KCNIP1: variants seen among roughly 807,000 people sequenced by gnomAD.
KCNIP1 encodes potassium voltage-gated channel interacting protein 1, also known as A-type potassium channel modulatory protein KCNIP1.
Under a neutral mutation model 33.0 loss-of-function variants are expected in KCNIP1, and 18 were observed. The observed-to-expected ratio is 0.55, with a 90% CI of 0.38 to 0.81. The LOEUF (loss-of-function observed/expected upper bound fraction) is 0.81. KCNIP1 is among the 30% of genes least tolerant of loss of function. KCNIP1 has a pLI of 0.00. For missense variants in KCNIP1, 238 were observed against 271.6 expected, an observed-to-expected ratio of 0.88 and a Z score of 0.87; for synonymous variants, 93 against 98.3, an observed-to-expected ratio of 0.95 and a Z score of 0.32.
rs149454915 is a variant in KCNIP1 at position 170,531,754 on chromosome 5, G to A, written c.61+27121G>A. ...CTCAGCCCAGGGAGTGCTGACAATG[G>A]GGGAGCCACTGCAGGAGTCCCAGCC... On this transcript the variant is annotated intron_variant, in intron 1 of 7. Transcript: ENST00000328939. 4.6e-3 allele frequency among the ~76,000 whole-genome samples: 703 copies of A among 152,238 alleles called. 5 individuals carry two copies. The highest frequency in any genetic ancestry group is 0.016 in the African/African-American group (663 of 41,540).
intron 1 of KCNIP1, chr5:170,383,225 G>A (rs1474449128): frequency 3.5e-6 from 1 of 283,464 alleles, no homozygotes; most frequent in East Asian, 7.4e-5. Context: ...GTTTCCTGGG[G>A]AGTCACCGGG....
chr5:170,483,442 T>G (rs1030402206), intron 1 of KCNIP1, among the ~76,000 whole-genome samples: 2 of 152,222 alleles, frequency 1.3e-5, no homozygotes, highest in African/African-American at 4.8e-5. Context: ...ACAGCCCCTC[T>G]CGCTTCTTTT....
intron 1 of KCNIP1, among the ~76,000 whole-genome samples, chr5:170,371,595 A>G (rs1049634540): frequency 3.9e-5 from 6 of 152,138 alleles, no homozygotes; most frequent in African/African-American, 1.2e-4. Context: ...TTGTGCCTCC[A>G]TTGGCTCATT....
At chr5:170,628,494 G>T (rs1759925876) in intron 1 of KCNIP1, among the ~76,000 whole-genome samples, 1 of 152,188 alleles carries the variant, frequency 6.6e-6, no homozygotes, top group Non-Finnish European at 1.5e-5. Context: ...GCGTGTGTGT[G>T]TGTGTGCGTT....
At chr5:170,439,611 G>A (rs927889875) in intron 1 of KCNIP1, among the ~76,000 whole-genome samples, 1 of 152,208 alleles carries the variant, frequency 6.6e-6, no homozygotes, top group Non-Finnish European at 1.5e-5. Flanking sequence ...GCTCATCTAC[G>A]CAAGCCTTGG....
chr5:170,673,449 G>C (rs966924268), intron 1 of KCNIP1, among the ~76,000 whole-genome samples: 6 of 152,236 alleles, frequency 3.9e-5, no homozygotes, highest in African/African-American at 1.4e-4. Flanking sequence ...AGTGACGTAG[G>C]TCTACCATGG....
intron 1 of KCNIP1, among the ~76,000 whole-genome samples, chr5:170,523,605 C>T (rs1345638017): frequency 1.3e-5 from 2 of 152,102 alleles, no homozygotes; most frequent in Non-Finnish European, 2.9e-5. Context: ...CACTCCCTTA[C>T]AGGAGGGGGT....
At chr5:170,462,545 G>T in intron 1 of KCNIP1, among the ~76,000 whole-genome samples, 1 of 152,120 alleles carries the variant, frequency 6.6e-6, no homozygotes. Flanking sequence ...TGTAAAACTA[G>T]TACAACCACT....
intron 1 of KCNIP1, among the ~76,000 whole-genome samples, chr5:170,658,575 T>C (rs1001806573): frequency 6.6e-6 from 1 of 151,908 alleles, no homozygotes; most frequent in African/African-American, 2.4e-5. Context: ...ATTTTGGAGG[T>C]AGAGGGAGAG....
At chr5:170,596,931 C>T (rs888857662) in intron 1 of KCNIP1, among the ~76,000 whole-genome samples, 2 of 152,248 alleles carry the variant, frequency 1.3e-5, no homozygotes, top group Non-Finnish European at 2.9e-5. Flanking sequence ...GCTGAGTGAG[C>T]ACTGGCTGTG....
At chr5:170,728,232 T>C (rs754723151) in intron 5 of KCNIP1, among the ~76,000 whole-genome samples, 3 of 152,028 alleles carry the variant, frequency 2.0e-5, no homozygotes, top group African/African-American at 4.8e-5. Flanking sequence ...AGATTCTCAC[T>C]GAAGAAAAGA....
intron 1 of KCNIP1, among the ~76,000 whole-genome samples, chr5:170,567,883 G>A (rs1460479725): frequency 6.6e-6 from 1 of 152,208 alleles, no homozygotes; most frequent in Admixed American, 6.5e-5. Context: ...AAAAGCAGAG[G>A]CTCATTAAAG....
At chr5:170,565,296 C>T (rs1757169130) in intron 1 of KCNIP1, among the ~76,000 whole-genome samples, 1 of 152,170 alleles carries the variant, frequency 6.6e-6, no homozygotes, top group African/African-American at 2.4e-5. Flanking sequence ...CAGCAGCATG[C>T]CAGTCTCACC....
chr5:170,723,418 T>A (rs1763899502), intron 5 of KCNIP1, among the ~76,000 whole-genome samples: 1 of 152,026 alleles, frequency 6.6e-6, no homozygotes, highest in African/African-American at 2.4e-5. Context: ...ATCTCAAAAC[T>A]CACTTTGGTA....
At chr5:170,717,570 TACAA>T (rs1763681137) in intron 1 of KCNIP1, among the ~76,000 whole-genome samples, 1 of 152,190 alleles carries the variant, frequency 6.6e-6, no homozygotes, top group South Asian at 2.1e-4. Flanking sequence ...ATGTACAAGA[TACAA>T]ACTTAATTTG....
At chr5:170,406,381 AC>A (rs1352141757) in intron 1 of KCNIP1, among the ~76,000 whole-genome samples, 1 of 152,158 alleles carries the variant, frequency 6.6e-6, no homozygotes, top group Non-Finnish European at 1.5e-5. Flanking sequence ...GCCTCAAATC[AC>A]CTACCCATTA....
chr5:170,593,015 A>G (rs1758318238), intron 1 of KCNIP1, among the ~76,000 whole-genome samples: 1 of 152,178 alleles, frequency 6.6e-6, no homozygotes, highest in Non-Finnish European at 1.5e-5. Flanking sequence ...ATATGCTTCT[A>G]TATGTGTAGA....
chr5:170,397,872 G>T (rs1355149860), intron 1 of KCNIP1, among the ~76,000 whole-genome samples: 5 of 152,178 alleles, frequency 3.3e-5, no homozygotes, highest in African/African-American at 4.8e-5. Context: ...GTCCAGAAAG[G>T]TGGGACAACT....
intron 1 of KCNIP1, among the ~76,000 whole-genome samples, chr5:170,451,070 G>C (rs1173674259): frequency 6.6e-6 from 1 of 152,180 alleles, no homozygotes; most frequent in Non-Finnish European, 1.5e-5. Flanking sequence ...GAGCTGGCCT[G>C]GTCCTCACAG....
Sources: gnomAD v4.1 joint callset for allele counts (sites outside exome capture counted in the v4.1 genomes callset) on GRCh38, gnomAD v4.1.1 for gene constraint, MANE v1.5 for transcripts, NCBI Gene and HGNC (gene_info 2026-07-23, HGNC 2026-07-21) for gene names.